STK11IP: variants seen among roughly 807,000 people sequenced by gnomAD.
STK11IP encodes serine/threonine-protein kinase 11-interacting protein.
In STK11IP, 103 loss-of-function variants were observed where a neutral mutation model predicts 131.7. The ratio of observed to expected loss-of-function variants is 0.78; its 90% CI spans 0.67 to 0.92. The LOEUF is 0.92. Ranked by LOEUF, STK11IP falls within the 40% of genes least tolerant of loss-of-function variation. The pLI is 0.00. For synonymous variants in STK11IP, 557 were observed against 575.6 expected, an observed-to-expected ratio of 0.97 and a Z score of 0.46; for missense variants, 1,315 against 1,385.7, an observed-to-expected ratio of 0.95 and a Z score of 0.81.
chr2:219,616,313 C>A lies in STK11IP; in HGVS notation c.*120C>A. ...GATGTCTTCAGCCTCTGGGTGCTGG[C>A]CAGTGAGGTCCCAAATGACCCAGGG... On this transcript the variant is annotated 3_prime_UTR_variant, in exon 25 of 25. Coordinates refer to ENST00000456909, the MANE Select transcript of STK11IP (RefSeq NM_052902.4). 1 of 1,317,878 alleles carries A rather than the reference C, an allele frequency of 7.6e-7. No individual in the cohort carries two copies. The highest frequency in any genetic ancestry group is 1.0e-6 in the Non-Finnish European group (1 of 979,250). 81.6% of individuals were successfully genotyped at this position (1,317,878 alleles called of 1,614,324 possible). A position where few individuals can be genotyped will look rare whatever the true frequency, so the allele number is the denominator to read the frequency against.
chr2:219,599,290 T>C (rs1335383108), intron 2 of STK11IP, among the ~76,000 whole-genome samples: 1 of 152,136 alleles, frequency 6.6e-6, no homozygotes, highest in East Asian at 1.9e-4. Flanking sequence ...GGTTTCACCA[T>C]GTTGGCCAGG....
At chr2:219,599,785 G>T (rs1697919619) in intron 2 of STK11IP, among the ~76,000 whole-genome samples, 1 of 150,780 alleles carries the variant, frequency 6.6e-6, no homozygotes, top group Admixed American at 6.6e-5. Context: ...CCAGGCTGGA[G>T]TGCAGTGGTA....
intron 24 of STK11IP, chr2:219,615,683 T>TA (rs1698549852): frequency 3.1e-6 from 2 of 637,314 alleles, no homozygotes; most frequent in African/African-American, 1.8e-5. Flanking sequence ...CCTGAGGAGA[T>TA]ACGGTTACTG....
chr2:219,605,485 T>C lies in STK11IP; in HGVS notation c.619-123T>C, dbSNP rs1023465870. On this transcript the variant is annotated intron_variant, in intron 7 of 24. Coordinates refer to ENST00000456909, the MANE Select transcript of STK11IP (RefSeq NM_052902.4). Reference sequence around the variant, plus strand: ...GGGAGTAGGGGTGGATGAAATCATTTGTGCTGAGTGTGTGCAGTTTTATAT... The same window carrying C: ...GGGAGTAGGGGTGGATGAAATCATTCGTGCTGAGTGTGTGCAGTTTTATAT... The C allele has an allele frequency of 6.8e-6, 6 of 882,712 alleles. No individual in the cohort carries two copies. In the African/African-American group the frequency reaches 8.4e-5, roughly 12 times the overall value. 54.7% of individuals were successfully genotyped at this position (882,712 alleles called of 1,614,324 possible).
intron 2 of STK11IP, 141 bp from the exon 3 acceptor site, chr2:219,601,091 GAGA>G (rs1460563567): frequency 1.5e-6 from 1 of 658,452 alleles, no homozygotes; most frequent in Non-Finnish European, 2.6e-6. Flanking sequence ...CTTTTGAGCT[GAGA>G]AGGAGATAGA....
chr2:219,609,914 G>C (rs1390710704), intron 17 of STK11IP, among the ~76,000 whole-genome samples: 1 of 152,162 alleles, frequency 6.6e-6, no homozygotes, highest in Non-Finnish European at 1.5e-5. Context: ...GTATTGGATT[G>C]TGGTGCTGCC....
intron 17 of STK11IP, 70 bp downstream of exon 17, chr2:219,609,610 G>T: frequency 6.5e-7 from 1 of 1,538,322 alleles, no homozygotes; most frequent in East Asian, 2.4e-5. Context: ...CTCTGTGTAG[G>T]GGAGTGTGAA....
chr2:219,609,750 T>G (rs1456885963), intron 17 of STK11IP: 10 of 560,734 alleles, frequency 1.8e-5, no homozygotes, highest in Admixed American at 9.3e-5. Context: ...TCCTGTTTTT[T>G]TTTTTTTTTT....
chr2:219,615,245 T>C lies in STK11IP; in HGVS notation c.3021T>C (p.Ala1007=), dbSNP rs1170168664. ...EKVPPSGPGP[A]VRVREQQPLS... ...TGCCTCCCTCGGGGCCGGGCCCTGC[T>C]GTGCGTGTCAGGGAGCAGCAGCCAC... The change falls in exon 24 of 25, where the codon GCT becomes GCC. Residue 1007 remains alanine (A), a synonymous_variant. Transcript: ENST00000456909. 5.6e-6 allele frequency: 9 copies of C among 1,596,922 alleles called. No homozygotes were observed. The East Asian group carries it at 1.8e-4, about 32-fold the overall frequency.
In STK11IP at chr2:219,616,343, A is replaced by T. The variant is rs1698568397; in HGVS notation, c.*150A>T. 9.7e-7 allele frequency: 1 copy of T among 1,034,328 alleles called. No homozygotes were observed. The highest frequency in any genetic ancestry group is 2.9e-5 in the Admixed American group (1 of 34,496). The allele number at this position is 1,034,328 out of a possible 1,614,324, so 64.1% of individuals were successfully genotyped here. On this transcript the variant is annotated 3_prime_UTR_variant, in exon 25 of 25. Transcript: ENST00000456909. Reference sequence around the variant, plus strand: ...GAGGTCCCAAATGACCCAGGGCTTAAGGGAGAGGCGAGAGAATGATCTGGC... The same window carrying T: ...GAGGTCCCAAATGACCCAGGGCTTATGGGAGAGGCGAGAGAATGATCTGGC...
rs1229733185 is a variant in STK11IP at position 219,606,075 on chromosome 2, A to G, written c.849+16A>G. On this transcript the variant is annotated intron_variant, in intron 9 of 24. Coordinates refer to ENST00000456909, the MANE Select transcript of STK11IP (RefSeq NM_052902.4). ...GCTCCGCAAGGTGAGATGGGAATGC[A>G]TCAGGGGCCTGGGAACCACCCTTGC... 2 of 1,583,634 alleles carry G rather than the reference A, an allele frequency of 1.3e-6. No homozygotes were observed. Among genetic ancestry groups the G allele is most frequent in the Admixed American group, 1.8e-5 (1 of 55,194 alleles).
rs764219297 is a variant in STK11IP at position 219,608,414 on chromosome 2, C to G, written c.1587C>G (p.Asp529Glu). The change falls in exon 14 of 25, where the codon GAC (aspartate) becomes GAG (glutamate). Residue 529 changes from aspartate (D) to glutamate (E), a missense_variant. Transcript: ENST00000456909. ...GAGAGGAGGAAGAAGAGGAGCAGGA[C>G]CAGAAGGAAGTGGAAGGTGAGCCCT... is the stretch of plus-strand genomic sequence containing the variant. ...EAGEEEEEEQ[D>E]QKEVEAELCR... The G allele has an allele frequency of 1.5e-5, 24 of 1,566,630 alleles. No homozygotes were observed. Among genetic ancestry groups the G allele is most frequent in the Non-Finnish European group, 1.6e-5 (18 of 1,156,420 alleles).
intron 2 of STK11IP, among the ~76,000 whole-genome samples, chr2:219,600,041 G>GTTTTT (rs1203746448): frequency 5.4e-5 from 5 of 91,930 alleles, no homozygotes; most frequent in East Asian, 3.3e-4. Context: ...TGCCCTTTGT[G>GTTTTT]TTTTTTTTTT....
chr2:219,598,522 G>A (rs1451273122), intron 2 of STK11IP: 5 of 219,514 alleles, frequency 2.3e-5, no homozygotes. Context: ...ACTAAATACA[G>A]TAGATAGAAG....
At chr2:219,609,848 G>A (rs920537723) in intron 17 of STK11IP, 11 of 322,470 alleles carry the variant, frequency 3.4e-5, no homozygotes, top group African/African-American at 6.4e-5. Flanking sequence ...GTTGTGTTGG[G>A]GATTTTTTGG....
rs780643110 is a variant in STK11IP, at chr2:219,608,364, G to A, written c.1537G>A (p.Val513Met). ...GGAGGAGAAGGAGGAGGGGGAGATG[G>A]TGGAACAGGGAGAAGAGGAGGCAGG... ...GKEEKEEGEMVEQGEEEAGEE... is the reference protein window; with the variant it reads ...GKEEKEEGEMMEQGEEEAGEE... Residue 513 changes from valine to methionine, a missense_variant, in exon 14 of 25, where the codon GTG becomes ATG. By Grantham distance (21) the Val-to-Met change is conservative (BLOSUM62 1). Transcript: ENST00000456909. 1.5e-5 allele frequency: 23 copies of A among 1,582,600 alleles called. No individual in the cohort carries two copies. Among genetic ancestry groups the A allele is most frequent in the Non-Finnish European group, 1.9e-5 (22 of 1,164,516 alleles).
chr2:219,602,421 G>A (rs1698017093), intron 5 of STK11IP, 47 bp from the exon 6 acceptor site: 16 of 1,428,020 alleles, frequency 1.1e-5, no homozygotes, highest in Non-Finnish European at 1.6e-5. Flanking sequence ...CTTGGCATAG[G>A]GAGGAAGGGG....
In STK11IP at chr2:219,609,089, C is replaced by T; in HGVS notation, c.1810-8C>T. On this transcript the variant is annotated splice_region_variant and splice_polypyrimidine_tract_variant and intron_variant, in intron 15 of 24. Transcript: ENST00000456909. ...TGTTTTTCACCCGGTCCCCCTCTTG[C>T]TGCGCAGGGCTCAGATCTGCTCCCT... is the stretch of plus-strand genomic sequence containing the variant. 6.3e-7 allele frequency: 1 copy of T among 1,577,228 alleles called. No homozygotes were observed. Among genetic ancestry groups the T allele is most frequent in the Non-Finnish European group, 8.6e-7 (1 of 1,159,360 alleles).
intron 7 of STK11IP, among the ~76,000 whole-genome samples, chr2:219,605,124 C>T (rs960548273): frequency 6.6e-6 from 1 of 152,224 alleles, no homozygotes; most frequent in Non-Finnish European, 1.5e-5. Flanking sequence ...GCCACTGCAC[C>T]TGGCCGGCTG....
Sources: allele counts gnomAD v4.1 joint callset (sites outside exome capture counted in the v4.1 genomes callset), GRCh38; gene constraint gnomAD v4.1.1; transcripts MANE v1.5; gene names NCBI Gene and HGNC (gene_info 2026-07-23, HGNC 2026-07-21).